EEPD1: variants seen among roughly 807,000 people sequenced by gnomAD.
EEPD1 encodes endonuclease/exonuclease/phosphatase family domain-containing protein 1.
A neutral mutation model predicts 46.3 loss-of-function variants in EEPD1; 17 were observed. The ratio of observed to expected loss-of-function variants is 0.37; its 90% CI spans 0.25 to 0.55. The LOEUF (loss-of-function observed/expected upper bound fraction) is 0.55. Among genes scored for constraint, EEPD1 ranks in the 20% least tolerant of loss-of-function variants. The pLI is 0.83. For missense variants in EEPD1, 673 were observed against 745.6 expected (o/e 0.90, Z 1.13); for synonymous variants, 313 against 315.6 (o/e 0.99, Z 0.09).
chr7:36,215,803 T>A (rs995416766), intron 2 of EEPD1, among the ~76,000 whole-genome samples: 2 of 152,234 alleles, frequency 1.3e-5, no homozygotes, highest in Non-Finnish European at 2.9e-5. Flanking sequence ...TGGGAGACCC[T>A]GCTCCCCTTC....
At position 36,186,660 on chromosome 7, in the gene EEPD1, A is replaced by G. The variant is rs575708684; in HGVS notation, c.878+31458A>G. Among the ~76,000 whole-genome samples, 149 of 152,368 alleles carry G rather than the reference A, an allele frequency of 9.8e-4. 2 individuals carry two copies. The highest frequency in any genetic ancestry group is 3.3e-3 in the African/African-American group (138 of 41,586). On this transcript the variant is annotated intron_variant, in intron 2 of 7. Coordinates refer to ENST00000242108, the MANE Select transcript of EEPD1 (RefSeq NM_030636.3). The stretch of plus-strand genomic sequence containing the variant: ...GATCTAAGTAGAAATAGAATAATTC[A>G]AGGGAAGCAATGAAAAGTAATTCAA...
intron 2 of EEPD1, 48 bp downstream of exon 2, chr7:36,155,250 C>G (rs759054332): frequency 1.3e-6 from 2 of 1,486,350 alleles, no homozygotes; most frequent in Non-Finnish European, 1.8e-6. Context: ...GCAACTTGTG[C>G]GTGACCTCAT....
intron 2 of EEPD1, among the ~76,000 whole-genome samples, chr7:36,177,712 G>GTTGT (rs551071420): frequency 1.1e-3 from 165 of 152,030 alleles, no homozygotes; most frequent in African/African-American, 3.8e-3. Context: ...TAGCTGTTTT[G>GTTGT]TTGTTTGTTT....
At chr7:36,200,290 G>A (rs1394672943) in intron 2 of EEPD1, among the ~76,000 whole-genome samples, 1 of 152,154 alleles carries the variant, frequency 6.6e-6, no homozygotes, top group Non-Finnish European at 1.5e-5. Flanking sequence ...TTCCGTCTGT[G>A]TTTCTGCCAA....
chr7:36,281,149 A>G lies in EEPD1; in HGVS notation c.965A>G (p.Asn322Ser). 2 of 1,614,146 alleles carry G rather than the reference A, an allele frequency of 1.2e-6. No individual in the cohort carries two copies. Among genetic ancestry groups the G allele is most frequent in the Non-Finnish European group, 8.5e-7 (1 of 1,180,026 alleles). Residue 322 changes from asparagine to serine, a missense_variant, in exon 4 of 8, where the codon AAC becomes AGC. Asn to Ser is a conservative substitution (Grantham distance 46, BLOSUM62 1). Coordinates refer to ENST00000242108, the MANE Select transcript of EEPD1 (RefSeq NM_030636.3). ...CTELNQPTLP[N>S]IRKWKGPRGC... is the part of the protein sequence containing the mutation. ...GAGCTAAACCAGCCGACCCTGCCCA[A>G]CATCCGCAAGTGGAAGGGGCCCCGG...
chr7:36,171,064 G>A (rs1012357052), intron 2 of EEPD1, among the ~76,000 whole-genome samples: 26 of 152,078 alleles, frequency 1.7e-4, no homozygotes, highest in Non-Finnish European at 7.4e-5. Context: ...TGAAACTACA[G>A]GTGTGCACCA....
chr7:36,170,555 GTTAAAA>G (rs1785060027), intron 2 of EEPD1, among the ~76,000 whole-genome samples: 1 of 131,716 alleles, frequency 7.6e-6, no homozygotes, highest in Admixed American at 8.0e-5. Flanking sequence ...TTGGTTTCAT[GTTAAAA>G]GTGTCTTTTT....
At chr7:36,206,067 C>A (rs1583808349) in intron 2 of EEPD1, among the ~76,000 whole-genome samples, 1 of 152,184 alleles carries the variant, frequency 6.6e-6, no homozygotes, top group Non-Finnish European at 1.5e-5. Context: ...CCAGACTGCC[C>A]CAGCCCCACC....
chr7:36,191,052 A>G (rs1785452840), intron 2 of EEPD1, among the ~76,000 whole-genome samples: 1 of 152,210 alleles, frequency 6.6e-6, no homozygotes, highest in Non-Finnish European at 1.5e-5. Flanking sequence ...AGGAACTTTT[A>G]TTTGCTCATT....
chr7:36,174,912 A>G (rs1197636648), intron 2 of EEPD1, among the ~76,000 whole-genome samples: 1 of 152,244 alleles, frequency 6.6e-6, no homozygotes, highest in East Asian at 1.9e-4. Flanking sequence ...ACGATGCCCA[A>G]ATTGGGCAGC....
chr7:36,265,465 G>A (rs1196430408), intron 3 of EEPD1, among the ~76,000 whole-genome samples: 1 of 152,212 alleles, frequency 6.6e-6, no homozygotes, highest in Non-Finnish European at 1.5e-5. Context: ...AAAAATAAGT[G>A]GGTGTTCATG....
intron 3 of EEPD1, among the ~76,000 whole-genome samples, chr7:36,274,301 G>A (rs1387124839): frequency 1.3e-5 from 2 of 152,262 alleles, no homozygotes; most frequent in Admixed American, 1.3e-4. Flanking sequence ...GGAGAGCCAG[G>A]GCATGTACAA....
At position 36,253,503 on chromosome 7, in the gene EEPD1, G is replaced by A. The variant is rs73690338; in HGVS notation, c.930+14467G>A. On this transcript the variant is annotated intron_variant, in intron 3 of 7. Coordinates refer to ENST00000242108, the MANE Select transcript of EEPD1 (RefSeq NM_030636.3). ...TGTAGTTCAAGTCTTTTATTTCCTTGTTGATCTTCTATCTGGTTGTTCTGT... is the reference window on the plus strand; with the variant it reads ...TGTAGTTCAAGTCTTTTATTTCCTTATTGATCTTCTATCTGGTTGTTCTGT... Among the ~76,000 whole-genome samples, 1,048 of 152,166 alleles carry A rather than the reference G, an allele frequency of 6.9e-3. 17 individuals carry two copies. Among genetic ancestry groups the A allele is most frequent in the African/African-American group, 0.024 (999 of 41,502 alleles).
At chr7:36,217,148 T>C (rs1349748445) in intron 2 of EEPD1, among the ~76,000 whole-genome samples, 2 of 152,282 alleles carry the variant, frequency 1.3e-5, no homozygotes, top group Non-Finnish European at 2.9e-5. Context: ...GAATGGCTAC[T>C]CCATAGGCAG....
chr7:36,223,760 G>T (rs1267112212), intron 2 of EEPD1, among the ~76,000 whole-genome samples: 3 of 152,196 alleles, frequency 2.0e-5, no homozygotes, highest in Non-Finnish European at 4.4e-5. Context: ...AGGGGGAGAA[G>T]GATGAAAAGT....
At position 36,193,264 on chromosome 7, in the gene EEPD1, A is replaced by G. The variant is rs1230061847; in HGVS notation, c.878+38062A>G. Among the ~76,000 whole-genome samples, 1 of 152,120 alleles carries G rather than the reference A, an allele frequency of 6.6e-6. No homozygotes were observed. Among genetic ancestry groups the G allele is most frequent in the Non-Finnish European group, 1.5e-5 (1 of 68,006 alleles). The stretch of plus-strand genomic sequence containing the variant: ...TGCCAAGGTGGAAGTGCCAACCAGC[A>G]GAAGTTAGATGGAGAAGAGGCCCAG... On this transcript the variant is annotated intron_variant, in intron 2 of 7. Coordinates refer to ENST00000242108, the MANE Select transcript of EEPD1 (RefSeq NM_030636.3). The surrounding 1 kb of genome is among the most constrained non-coding windows in gnomAD (Gnocchi z 4.9).
chr7:36,175,315 C>T (rs1446645336), intron 2 of EEPD1, among the ~76,000 whole-genome samples: 1 of 152,218 alleles, frequency 6.6e-6, no homozygotes, highest in Non-Finnish European at 1.5e-5. Context: ...ACTGCGGCCT[C>T]GAACTCCTGG....
chr7:36,294,893 G>A (rs1787498301), intron 6 of EEPD1, among the ~76,000 whole-genome samples: 1 of 152,118 alleles, frequency 6.6e-6, no homozygotes, highest in South Asian at 2.1e-4. Flanking sequence ...ACACAGTATG[G>A]TAGGTCAGGC....
At chr7:36,179,819 C>T (rs1452420397) in intron 2 of EEPD1, among the ~76,000 whole-genome samples, 1 of 151,674 alleles carries the variant, frequency 6.6e-6, no homozygotes, top group Non-Finnish European at 1.5e-5. Flanking sequence ...AGCATGAGCT[C>T]TTTGGGATGA....
Sources: gnomAD v4.1 joint callset for allele counts (sites outside exome capture counted in the v4.1 genomes callset) on GRCh38, gnomAD v4.1.1 for gene constraint, Gnocchi (gnomAD v3.1) non-coding constraint, MANE v1.5 for transcripts, NCBI Gene and HGNC (gene_info 2026-07-23, HGNC 2026-07-21) for gene names.